ZRANB3: variants seen among roughly 807,000 people sequenced by gnomAD.
ZRANB3 encodes zinc finger RANBP2-type containing 3, also known as DNA annealing helicase and endonuclease ZRANB3.
A neutral mutation model predicts 133.8 loss-of-function variants in ZRANB3; 125 were observed. The ratio of observed to expected loss-of-function variants is 0.93; its 90% CI spans 0.81 to 1.08. The LOEUF (loss-of-function observed/expected upper bound fraction) is 1.08. Among genes scored for constraint, ZRANB3 ranks in the 50% least tolerant of loss-of-function variants. The pLI, the probability that ZRANB3 is intolerant of heterozygous loss-of-function variation, is 0.00. For synonymous variants in ZRANB3, 387 were observed against 432.7 expected (o/e 0.89, Z 1.31); for missense variants, 1,229 against 1,275.5 (o/e 0.96, Z 0.56).
rs111232141 is a variant in ZRANB3 at position 135,253,856 on chromosome 2, A to G, written c.1539+11678T>C. Among the ~76,000 whole-genome samples, 450 of 152,334 alleles carry G rather than the reference A, an allele frequency of 3.0e-3. 2 individuals are homozygous for G. The highest frequency in any genetic ancestry group is 0.01 in the African/African-American group (419 of 41,562). ...TCCATTCCCAAGTAGCACTGCCTCC[A>G]AGAACTTCTGTCTCTTCACCCTTCC... On this transcript the variant is annotated intron_variant, in intron 12 of 20. Coordinates refer to ENST00000264159, the MANE Select transcript of ZRANB3 (RefSeq NM_032143.4).
chr2:135,369,428 T>C (rs2104897170), intron 3 of ZRANB3, among the ~76,000 whole-genome samples: 1 of 152,196 alleles, frequency 6.6e-6, no homozygotes, highest in African/African-American at 2.4e-5. Flanking sequence ...CTGCAGAAAA[T>C]GTCAAAGATT....
At chr2:135,256,376 T>C (rs891834780) in intron 12 of ZRANB3, among the ~76,000 whole-genome samples, 5 of 152,202 alleles carry the variant, frequency 3.3e-5, no homozygotes, top group Admixed American at 3.3e-4. Flanking sequence ...TTGCCCAGGC[T>C]AGAGTGCAGT....
intron 6 of ZRANB3, among the ~76,000 whole-genome samples, chr2:135,329,156 T>C (rs1178317001): frequency 1.3e-5 from 2 of 152,226 alleles, no homozygotes; most frequent in South Asian, 2.1e-4. Context: ...CTGAATGATA[T>C]TGCCTAGGTT....
intron 3 of ZRANB3, among the ~76,000 whole-genome samples, chr2:135,389,010 G>A (rs552620072): frequency 3.8e-4 from 58 of 152,196 alleles, no homozygotes; most frequent in African/African-American, 1.2e-3. Flanking sequence ...CCTGGGAGGC[G>A]AACCTTGCAG....
At chr2:135,453,659 A>G (rs890246678) in intron 2 of ZRANB3, among the ~76,000 whole-genome samples, 2 of 152,212 alleles carry the variant, frequency 1.3e-5, no homozygotes, top group Non-Finnish European at 2.9e-5. Context: ...CTTTGCTCCA[A>G]TTCCCAACAA....
chr2:135,329,377 G>A (rs1168331356), intron 6 of ZRANB3, among the ~76,000 whole-genome samples: 37 of 152,092 alleles, frequency 2.4e-4, no homozygotes, highest in African/African-American at 8.5e-4. Context: ...GTAGATGTGT[G>A]GTGTTATTTC....
At chr2:135,347,921 G>A (rs1229813084) in intron 5 of ZRANB3, among the ~76,000 whole-genome samples, 2 of 152,008 alleles carry the variant, frequency 1.3e-5, no homozygotes, top group Admixed American at 1.3e-4. Flanking sequence ...AAAAGTAAGA[G>A]CAAACAACCC....
At chr2:135,498,739 G>A (rs550873614) in intron 2 of ZRANB3, among the ~76,000 whole-genome samples, 2 of 152,252 alleles carry the variant, frequency 1.3e-5, no homozygotes, top group African/African-American at 4.8e-5. Flanking sequence ...CCAAGGGAAG[G>A]TCTCTAAAAT....
rs371392862 is a variant in ZRANB3, at chr2:135,208,924, A to G, written c.2550T>C (p.Val850=). 1.2e-6 allele frequency: 2 copies of G among 1,614,008 alleles called. No individual in the cohort carries two copies. The highest frequency in any genetic ancestry group is 1.1e-5 in the South Asian group (1 of 91,070). The stretch of plus-strand genomic sequence containing the variant: ...TTGTGATCAGACGGACATGGCCCCC[A>G]ACATTCTTCACTTTGTCCATTGAGG... ...AVASMDKVKN[V]GGHVRLITKE... is the part of the protein sequence containing the mutation. Residue 850 remains valine (V), a synonymous_variant, in exon 18 of 21, where the codon GTT becomes GTC. Transcript: ENST00000264159.
chr2:135,360,037 T>C (rs567379775), intron 3 of ZRANB3, among the ~76,000 whole-genome samples: 36 of 152,282 alleles, frequency 2.4e-4, no homozygotes, highest in African/African-American at 7.7e-4. Flanking sequence ...GAATAATACA[T>C]AGAATGACTC....
At chr2:135,249,594 C>T (rs1679275270) in intron 12 of ZRANB3, among the ~76,000 whole-genome samples, 1 of 152,168 alleles carries the variant, frequency 6.6e-6, no homozygotes, top group Non-Finnish European at 1.5e-5. Context: ...AGAATTCCCA[C>T]ATGTTGTGGG....
chr2:135,406,357 G>A (rs143447639), intron 2 of ZRANB3, among the ~76,000 whole-genome samples: 4,198 of 152,198 alleles, frequency 0.028, 88 homozygotes, highest in South Asian at 0.045. Flanking sequence ...AAAAGCCCAG[G>A]ACCAGATGGA....
chr2:135,272,414 C>CTGTTTTTTTTTT (rs1680562927), intron 9 of ZRANB3, among the ~76,000 whole-genome samples: 1 of 107,774 alleles, frequency 9.3e-6, no homozygotes, highest in African/African-American at 4.5e-5. Context: ...GAAAATAGAG[C>CTGTTTTTTTTTT]TTTTTTTTTT....
At chr2:135,253,052 A>G (rs1352532028) in intron 12 of ZRANB3, among the ~76,000 whole-genome samples, 2 of 152,222 alleles carry the variant, frequency 1.3e-5, no homozygotes, top group African/African-American at 4.8e-5. Context: ...GGCTTTATAC[A>G]TACCAATAGC....
chr2:135,221,281 A>G lies in ZRANB3; in HGVS notation c.2251-2103T>C, dbSNP rs116759290. ...TTTGGAAAATTATTTGGGTGATAACATTTTATGGTAAAGGGACATGTAAGT... is the reference window on the plus strand; with the variant it reads ...TTTGGAAAATTATTTGGGTGATAACGTTTTATGGTAAAGGGACATGTAAGT... On this transcript the variant is annotated intron_variant, in intron 15 of 20. Transcript: ENST00000264159. 3.0e-3 allele frequency among the ~76,000 whole-genome samples: 454 copies of G among 152,300 alleles called. 2 individuals are homozygous for G. The highest frequency in any genetic ancestry group is 0.01 in the African/African-American group (430 of 41,568).
In ZRANB3 at chr2:135,260,319, G is replaced by C. The variant is rs544569974; in HGVS notation, c.1539+5215C>G. The stretch of plus-strand genomic sequence containing the variant: ...TGACCACATCTTAGGCAGTGACCCT[G>C]GTGATGGACTCCAAGGCAAGACTGC... On this transcript the variant is annotated intron_variant, in intron 12 of 20. Transcript: ENST00000264159. 2.1e-4 allele frequency among the ~76,000 whole-genome samples: 32 copies of C among 152,226 alleles called. No homozygotes were observed. The South Asian group carries it at 5.6e-3, about 27-fold the overall frequency.
intron 8 of ZRANB3, among the ~76,000 whole-genome samples, chr2:135,277,369 G>T (rs1001823120): frequency 6.6e-6 from 1 of 152,212 alleles, no homozygotes; most frequent in East Asian, 1.9e-4. Flanking sequence ...CTTCTAGTCA[G>T]TGGTTAGTGT....
At chr2:135,222,885 C>T (rs1284835762) in intron 15 of ZRANB3, among the ~76,000 whole-genome samples, 5 of 150,506 alleles carry the variant, frequency 3.3e-5, no homozygotes, top group South Asian at 2.1e-4. Flanking sequence ...CTGAGGCGGG[C>T]GGACTGTTTG....
chr2:135,432,247 A>C (rs1429280875), intron 2 of ZRANB3, among the ~76,000 whole-genome samples: 1 of 152,180 alleles, frequency 6.6e-6, no homozygotes, highest in East Asian at 1.9e-4. Flanking sequence ...TGAAAACTCC[A>C]TCTCAAAATA....
Sources: gnomAD v4.1 joint callset for allele counts (sites outside exome capture counted in the v4.1 genomes callset) on GRCh38, gnomAD v4.1.1 for gene constraint, MANE v1.5 for transcripts, NCBI Gene and HGNC (gene_info 2026-07-23, HGNC 2026-07-21) for gene names.